Variants in TICAM1 observed in about 807,000 individuals in gnomAD.
The protein encoded by TICAM1 is TIR domain-containing adapter molecule 1.
For missense variants in TICAM1, 895 were observed against 938.2 expected (o/e 0.95, Z 0.60); for synonymous variants, 439 against 415.4 (o/e 1.06, Z -0.69).
intron 1 of TICAM1, among the ~76,000 whole-genome samples, chr19:4,821,028 A>AC (rs1568366126): frequency 4.8e-5 from 3 of 62,264 alleles, no homozygotes; most frequent in African/African-American, 3.6e-4. Context: ...TCCCGTCTCT[A>AC]GTAAAAAAAA....
At chr19:4,823,240 A>G (rs1330023764) in intron 1 of TICAM1, among the ~76,000 whole-genome samples, 1 of 151,922 alleles carries the variant, frequency 6.6e-6, no homozygotes, top group Admixed American at 6.6e-5. Context: ...CGAGGTGGGC[A>G]GATCACCTAA....
intron 1 of TICAM1, among the ~76,000 whole-genome samples, chr19:4,827,534 A>G (rs1032991863): frequency 2.8e-4 from 43 of 151,718 alleles, no homozygotes; most frequent in African/African-American, 1.0e-3. Context: ...CGAGGCGGGC[A>G]GATCACGAGG....
intron 1 of TICAM1, among the ~76,000 whole-genome samples, chr19:4,824,926 C>CT (rs1341511792): frequency 6.6e-6 from 1 of 151,410 alleles, no homozygotes; most frequent in East Asian, 2.0e-4. Context: ...GAGCAAGACT[C>CT]TGTCTCCAAA....
intron 1 of TICAM1, among the ~76,000 whole-genome samples, chr19:4,824,426 C>CTGGGTTGAAGAGA (rs1434449867): frequency 2.0e-5 from 3 of 151,110 alleles, no homozygotes; most frequent in Non-Finnish European, 4.4e-5. Flanking sequence ...CCTCCGCCTC[C>CTGGGTTGAAGAGA]TGGGTTGAAG....
chr19:4,816,195 T>A lies in TICAM1; in HGVS notation c.*44A>T. Reference sequence around the variant, plus strand: ...GCTCTATGGGGTCCTGGCCGATGCCTGGGTCCAGGGGTGTTCCCCAGGTGG... The same window carrying A: ...GCTCTATGGGGTCCTGGCCGATGCCAGGGTCCAGGGGTGTTCCCCAGGTGG... On this transcript the variant is annotated 3_prime_UTR_variant, in exon 2 of 2. Coordinates refer to ENST00000248244, the MANE Select transcript of TICAM1 (RefSeq NM_182919.4). The surrounding 1 kb of genome is among the most constrained non-coding windows in gnomAD (Gnocchi z 4.3). 6.8e-7 allele frequency: 1 copy of A among 1,463,114 alleles called. No homozygotes were observed. Among genetic ancestry groups the A allele is most frequent in the East Asian group, 2.4e-5 (1 of 41,934 alleles). 90.6% of individuals were successfully genotyped at this position (1,463,114 alleles called of 1,614,324 possible).
intron 1 of TICAM1, among the ~76,000 whole-genome samples, chr19:4,821,261 T>C (rs2093597000): frequency 6.6e-6 from 1 of 152,072 alleles, no homozygotes; most frequent in Admixed American, 6.6e-5. Flanking sequence ...TACACCAGTA[T>C]GCAGACAAGG....
chr19:4,817,146 C>T lies in TICAM1; in HGVS notation c.1232G>A (p.Arg411Gln), dbSNP rs776276419. ...HARADEHIAL[R>Q]VREKLEALGV... ...AAGGGCCTCCAGCTTCTCCCGAACC[C>T]GCAGGGCGATGTGTTCGTCTGCCCT... The change falls in exon 2 of 2, where the codon CGG becomes CAG. Residue 411 changes from arginine (R) to glutamine (Q), a missense_variant. Arg to Gln is a conservative substitution (Grantham distance 43, BLOSUM62 1). Coordinates refer to ENST00000248244, the MANE Select transcript of TICAM1 (RefSeq NM_182919.4). The surrounding 1 kb of genome is among the most constrained non-coding windows in gnomAD (Gnocchi z 4.7). 1.9e-6 allele frequency: 3 copies of T among 1,614,182 alleles called. No homozygotes were observed. The highest frequency in any genetic ancestry group is 1.1e-5 in the South Asian group (1 of 91,084).
chr19:4,827,847 G>A (rs1205895570), intron 1 of TICAM1, among the ~76,000 whole-genome samples: 2 of 151,794 alleles, frequency 1.3e-5, no homozygotes, highest in African/African-American at 2.4e-5. Context: ...CTTGGAATAC[G>A]GTCCAATACC....
Position 4,817,459 on chromosome 19 carries a change from C to T in TICAM1, c.919G>A (p.Gly307Arg), listed in dbSNP as rs758917743. Residue 307 changes from glycine (G) to arginine (R), a missense_variant, in exon 2 of 2, where the codon GGG becomes AGG. Coordinates refer to ENST00000248244, the MANE Select transcript of TICAM1 (RefSeq NM_182919.4). This position sits in a 1 kb window ranked among gnomAD's most constrained non-coding sequence, Gnocchi z 4.7. ...GGGAGAGACTGGGGGCCTGCAGACC[C>T]CTCGGTGCACTCCACTGGGTAGTTG... ...STNYPVECTE[G>R]SAGPQSLPLP... The T allele has an allele frequency of 1.9e-6, 3 of 1,613,954 alleles. No individual in the cohort carries two copies. Among genetic ancestry groups the T allele is most frequent in the African/African-American group, 2.7e-5 (2 of 74,890 alleles).
chr19:4,819,851 G>T (rs887699920), intron 1 of TICAM1, among the ~76,000 whole-genome samples: 15 of 151,600 alleles, frequency 9.9e-5, no homozygotes, highest in African/African-American at 3.6e-4. Flanking sequence ...CTCCAGCCTG[G>T]GCAACAAGAG....
In TICAM1 at chr19:4,817,211, T is replaced by G; in HGVS notation, c.1167A>C (p.Ser389=). The G allele has an allele frequency of 1.9e-6, 3 of 1,613,220 alleles. No homozygotes were observed. Among genetic ancestry groups the G allele is most frequent in the Non-Finnish European group, 2.5e-6 (3 of 1,179,904 alleles). Residue 389 remains serine (S), a synonymous_variant, in exon 2 of 2, where the codon TCA becomes TCC. Transcript: ENST00000248244. The surrounding 1 kb of genome is among the most constrained non-coding windows in gnomAD (Gnocchi z 4.7). ...SSLFPSSLES[S]SEQKFYNFVI... ...CAAAGTTATAGAATTTCTGTTCCGA[T>G]GATGATTCCAGGGAGGAAGGGAACA...
chr19:4,818,195 T>C lies in TICAM1; in HGVS notation c.183A>G (p.Leu61=), dbSNP rs139810575. 98 of 1,612,444 alleles carry C rather than the reference T, an allele frequency of 6.1e-5. No homozygotes were observed. The African/African-American group carries it at 1.1e-3, about 18-fold the overall frequency. The change falls in exon 2 of 2, where the codon CTA becomes CTG. Residue 61 remains leucine (L), a synonymous_variant. Transcript: ENST00000248244. The surrounding 1 kb of genome is among the most constrained non-coding windows in gnomAD (Gnocchi z 4.0). ...LGQETEARIS[L]EALKADAVAR... is the part of the protein sequence containing the mutation. ...CCACCGCATCGGCCTTCAATGCCTC[T>C]AGAGAGATCCTGGCCTCAGTTTCCT... is the stretch of plus-strand genomic sequence containing the variant.
intron 1 of TICAM1, among the ~76,000 whole-genome samples, chr19:4,820,682 G>C (rs1568366052): frequency 6.6e-6 from 1 of 151,404 alleles, no homozygotes; most frequent in Non-Finnish European, 1.5e-5. Flanking sequence ...GGCCAACATG[G>C]TGAAACCCTG....
chr19:4,817,854 G>A lies in TICAM1; in HGVS notation c.524C>T (p.Thr175Ile), dbSNP rs763658275. Residue 175 changes from threonine (T) to isoleucine (I), a missense_variant, in exon 2 of 2, where the codon ACC becomes ATC. By Grantham distance (89) the Thr-to-Ile change is moderately conservative. Transcript: ENST00000248244. The surrounding 1 kb of genome is among the most constrained non-coding windows in gnomAD (Gnocchi z 4.7). ...LPPSSALPSGTRSLPRPIDGV... is the reference protein window; with the variant it reads ...LPPSSALPSGIRSLPRPIDGV... Reference sequence around the variant, plus strand: ...GTCAATGGGGCGTGGGAGGCTCCTGGTCCCAGAGGGCAAAGCCGAGGATGG... The same window carrying A: ...GTCAATGGGGCGTGGGAGGCTCCTGATCCCAGAGGGCAAAGCCGAGGATGG... 3.7e-6 allele frequency: 6 copies of A among 1,612,562 alleles called. No individual in the cohort carries two copies. The highest frequency in any genetic ancestry group is 5.1e-6 in the Non-Finnish European group (6 of 1,179,580).
chr19:4,830,603 A>T (rs770753277), intron 1 of TICAM1, among the ~76,000 whole-genome samples: 26 of 152,186 alleles, frequency 1.7e-4, no homozygotes, highest in Non-Finnish European at 3.2e-4. Context: ...CTGCATATCA[A>T]GGCAGGCACA....
chr19:4,829,777 A>C (rs1300825762), intron 1 of TICAM1, among the ~76,000 whole-genome samples: 1 of 151,538 alleles, frequency 6.6e-6, no homozygotes, highest in African/African-American at 2.4e-5. Flanking sequence ...TTCCTTTTTA[A>C]AAAAATTTTT....
chr19:4,819,250 G>A lies in TICAM1; in HGVS notation c.-139-734C>T, dbSNP rs1309223208. ...GATGGTACCACTGCACTCCAGCCTG[G>A]GCAACAGAGTGAGACCCAGTCTCAA... On this transcript the variant is annotated intron_variant, in intron 1 of 1. Transcript: ENST00000248244. Among the ~76,000 whole-genome samples, 4 of 148,070 alleles carry A rather than the reference G, an allele frequency of 2.7e-5. No homozygotes were observed. The Admixed American group carries it at 2.7e-4, about 10-fold the overall frequency.
rs371089964 is a variant in TICAM1 at position 4,818,551 on chromosome 19, C to G, written c.-139-35G>C. ...ACAGGAGAAGCAAACACACTTACCC[C>G]CAAGAAAGGTCAGCACGGGAAGGCG... is the stretch of plus-strand genomic sequence containing the variant. On this transcript the variant is annotated intron_variant, in intron 1 of 1. Coordinates refer to ENST00000248244, the MANE Select transcript of TICAM1 (RefSeq NM_182919.4). The surrounding 1 kb of genome is among the most constrained non-coding windows in gnomAD (Gnocchi z 4.0). 31 of 1,353,938 alleles carry G rather than the reference C, an allele frequency of 2.3e-5. No individual in the cohort carries two copies. The East Asian group carries it at 4.4e-4, about 19-fold the overall frequency. The allele number at this position is 1,353,938 out of a possible 1,614,324, so 83.9% of individuals were successfully genotyped here. A position where few individuals can be genotyped will look rare whatever the true frequency, so the allele number is the denominator to read the frequency against.
chr19:4,819,396 T>C (rs571173125), intron 1 of TICAM1, among the ~76,000 whole-genome samples: 1 of 152,318 alleles, frequency 6.6e-6, no homozygotes, highest in South Asian at 2.1e-4. Flanking sequence ...TGATGTCACT[T>C]GCCCAAAGTC....
Sources: gnomAD v4.1 joint callset for allele counts (sites outside exome capture counted in the v4.1 genomes callset) on GRCh38, gnomAD v4.1.1 for gene constraint, Gnocchi (gnomAD v3.1) non-coding constraint, MANE v1.5 for transcripts, NCBI Gene and HGNC (gene_info 2026-07-23, HGNC 2026-07-21) for gene names.